Variants in ZSWIM5 observed in about 807,000 individuals in gnomAD.
ZSWIM5 encodes the protein zinc finger SWIM domain-containing protein 5.
ZSWIM5 carries 55 observed loss-of-function variants against 119.6 expected under a neutral mutation model. The ratio of observed to expected loss-of-function variants is 0.46; its 90% CI spans 0.37 to 0.58. ZSWIM5 has a LOEUF of 0.58. ZSWIM5 is among the 20% of genes least tolerant of loss of function. The pLI, the probability that ZSWIM5 is intolerant of heterozygous loss-of-function variation, is 0.00. For missense variants in ZSWIM5, 1,193 were observed against 1,512.8 expected (o/e 0.79, Z 3.51); for synonymous variants, 537 against 606.9 (o/e 0.88, Z 1.69).
chr1:45,075,540 T>C (rs1645251234), intron 2 of ZSWIM5, among the ~76,000 whole-genome samples: 1 of 152,234 alleles, frequency 6.6e-6, no homozygotes, highest in Non-Finnish European at 1.5e-5. Flanking sequence ...CTCCTTTTTG[T>C]TTCCATTGAC....
chr1:45,048,508 A>C (rs1346916357), intron 5 of ZSWIM5, among the ~76,000 whole-genome samples: 2 of 152,212 alleles, frequency 1.3e-5, no homozygotes, highest in Non-Finnish European at 2.9e-5. Flanking sequence ...AACGTGGATG[A>C]GGAGGAAAAT....
chr1:45,169,905 ACAT>A (rs1645935269), intron 1 of ZSWIM5, among the ~76,000 whole-genome samples: 1 of 152,096 alleles, frequency 6.6e-6, no homozygotes, highest in African/African-American at 2.4e-5. Flanking sequence ...TAGTTATGAA[ACAT>A]CATCCTCCTT....
chr1:45,022,256 G>A (rs948437217), intron 11 of ZSWIM5, among the ~76,000 whole-genome samples: 40 of 150,492 alleles, frequency 2.7e-4, no homozygotes, highest in Admixed American at 8.6e-4. Context: ...TCAGCCTCCC[G>A]CGTAGCTGAG....
At chr1:45,098,498 TATC>T (rs1183704709) in intron 1 of ZSWIM5, among the ~76,000 whole-genome samples, 9 of 152,168 alleles carry the variant, frequency 5.9e-5, no homozygotes, top group Non-Finnish European at 7.3e-5. Flanking sequence ...GGGGAAATAA[TATC>T]ATGTCATTCC....
chr1:45,134,069 G>C (rs1219905980), intron 1 of ZSWIM5, among the ~76,000 whole-genome samples: 1 of 152,112 alleles, frequency 6.6e-6, no homozygotes, highest in African/African-American at 2.4e-5. Flanking sequence ...TGTTCTTTTG[G>C]CTTAGGATTG....
chr1:45,096,158 C>A (rs894608399), intron 1 of ZSWIM5, among the ~76,000 whole-genome samples: 1 of 152,046 alleles, frequency 6.6e-6, no homozygotes, highest in Non-Finnish European at 1.5e-5. Flanking sequence ...TTAAAACAGT[C>A]TATTTTATTA....
chr1:45,060,567 G>A (rs982227123), intron 2 of ZSWIM5, among the ~76,000 whole-genome samples: 1 of 152,118 alleles, frequency 6.6e-6, no homozygotes, highest in Non-Finnish European at 1.5e-5. Context: ...TTTTTCCCCA[G>A]GAGAGTGACA....
chr1:45,094,211 A>G (rs1372771439), intron 1 of ZSWIM5, among the ~76,000 whole-genome samples: 1 of 151,466 alleles, frequency 6.6e-6, no homozygotes, highest in African/African-American at 2.4e-5. Context: ...ACGCGCCACC[A>G]CGCCCAGCTA....
intron 2 of ZSWIM5, among the ~76,000 whole-genome samples, chr1:45,063,914 G>A (rs999346276): frequency 1.3e-5 from 2 of 151,918 alleles, no homozygotes; most frequent in African/African-American, 2.4e-5. Context: ...CCCGGAAGGC[G>A]GAGCTTGCAG....
At chr1:45,136,501 G>A (rs1444719171) in intron 1 of ZSWIM5, among the ~76,000 whole-genome samples, 2 of 151,960 alleles carry the variant, frequency 1.3e-5, no homozygotes, top group Non-Finnish European at 2.9e-5. Context: ...GTATACATCT[G>A]ATAAGTACAA....
At chr1:45,204,312 G>T (rs1180285414) in intron 1 of ZSWIM5, among the ~76,000 whole-genome samples, 1 of 151,950 alleles carries the variant, frequency 6.6e-6, no homozygotes, top group Non-Finnish European at 1.5e-5. Flanking sequence ...AGACTAATAG[G>T]AAAATGATTG....
chr1:45,142,499 A>G (rs763295542), intron 1 of ZSWIM5, among the ~76,000 whole-genome samples: 13 of 152,020 alleles, frequency 8.6e-5, no homozygotes, highest in South Asian at 2.1e-4. Context: ...CCACAGGTAC[A>G]TGCCACCATG....
At chr1:45,075,518 T>C (rs1435082059) in intron 2 of ZSWIM5, among the ~76,000 whole-genome samples, 1 of 152,222 alleles carries the variant, frequency 6.6e-6, no homozygotes, top group African/African-American at 2.4e-5. Context: ...GATAAAAGTA[T>C]AGCTACTCCT....
In ZSWIM5 at chr1:45,178,380, C is replaced by T. The variant is rs112727924; in HGVS notation, c.595+27376G>A. ...TGGAGGATGCAGTGGGCCAGGATGGCGCCACCACACTCCACCCTGGGTGAT... is the reference window on the plus strand; with the variant it reads ...TGGAGGATGCAGTGGGCCAGGATGGTGCCACCACACTCCACCCTGGGTGAT... On this transcript the variant is annotated intron_variant, in intron 1 of 13. Transcript: ENST00000359600. 9.7e-3 allele frequency among the ~76,000 whole-genome samples: 1,472 copies of T among 152,102 alleles called. 35 individuals are homozygous for T. The highest frequency in any genetic ancestry group is 0.034 in the African/African-American group (1,412 of 41,518).
At chr1:45,063,252 T>G (rs1645163720) in intron 2 of ZSWIM5, among the ~76,000 whole-genome samples, 1 of 152,224 alleles carries the variant, frequency 6.6e-6, no homozygotes, top group Non-Finnish European at 1.5e-5. Flanking sequence ...TGATTCCACG[T>G]CTTTGCTATT....
At chr1:45,128,130 G>A (rs1247046091) in intron 1 of ZSWIM5, among the ~76,000 whole-genome samples, 2 of 152,096 alleles carry the variant, frequency 1.3e-5, no homozygotes, top group African/African-American at 2.4e-5. Flanking sequence ...ACATAGACAA[G>A]ATTATTCTAA....
Position 45,091,686 on chromosome 1 carries a change from ACAAC to A in ZSWIM5, c.596-3453_596-3450del, listed in dbSNP as rs762859677. 1.7e-3 allele frequency among the ~76,000 whole-genome samples: 262 copies of A among 152,148 alleles called. 1 individual carries two copies. Among genetic ancestry groups the A allele is most frequent in the African/African-American group, 6.0e-3 (248 of 41,510 alleles). Reference sequence around the variant, plus strand: ...CAAAATAAAAACAAACAAACAAAAAACAACCAACCAACCAAACAAACAAACAAAA... The same window carrying A: ...CAAAATAAAAACAAACAAACAAAAAACAACCAACCAAACAAACAAACAAAA... On this transcript the variant is annotated intron_variant, in intron 1 of 13. Transcript: ENST00000359600.
intron 1 of ZSWIM5, among the ~76,000 whole-genome samples, chr1:45,169,766 A>G: frequency 6.6e-6 from 1 of 152,104 alleles, no homozygotes; most frequent in East Asian, 1.9e-4. Context: ...TAAATAAGAA[A>G]ACTTCTATTG....
chr1:45,029,056 G>A (rs1378317839), intron 11 of ZSWIM5, among the ~76,000 whole-genome samples: 3 of 152,270 alleles, frequency 2.0e-5, no homozygotes, highest in East Asian at 1.9e-4. Flanking sequence ...CATCACTCCT[G>A]ACTATTGTAG....
Sources: allele counts gnomAD v4.1 joint callset (sites outside exome capture counted in the v4.1 genomes callset), GRCh38; gene constraint gnomAD v4.1.1; transcripts MANE v1.5; gene names NCBI Gene and HGNC (gene_info 2026-07-23, HGNC 2026-07-21).